The following ADAMTSL1 variants were observed in gnomAD, a reference collection of about 807,000 sequenced individuals.
ADAMTSL1 encodes the protein ADAMTS like 1.
ADAMTSL1 carries 126 observed loss-of-function variants against 201.8 expected under a neutral mutation model. The observed-to-expected ratio is 0.62, with a 90% CI of 0.54 to 0.72. The LOEUF (loss-of-function observed/expected upper bound fraction) is 0.72, where lower values mean the gene tolerates loss of function less well. ADAMTSL1 is among the 30% of genes least tolerant of loss of function. The pLI, the probability that ADAMTSL1 is intolerant of heterozygous loss-of-function variation, is 0.00. For missense variants in ADAMTSL1, 2,679 were observed against 2,277.8 expected (o/e 1.18, Z -3.59); for synonymous variants, 1,121 against 903.4 (o/e 1.24, Z -4.32).
chr9:18,208,576 A>T (rs1829747362), intron 2 of ADAMTSL1, among the ~76,000 whole-genome samples: 1 of 152,096 alleles, frequency 6.6e-6, no homozygotes, highest in African/African-American at 2.4e-5. Flanking sequence ...GCGCTTCATA[A>T]ATATTTTAGT....
chr9:18,060,241 T>C (rs144148297), intron 1 of ADAMTSL1, among the ~76,000 whole-genome samples: 1 of 152,324 alleles, frequency 6.6e-6, no homozygotes, highest in African/African-American at 2.4e-5. Flanking sequence ...TACTTTAGTG[T>C]ATATGTCTAA....
At chr9:18,266,344 C>T (rs1832116575) in intron 2 of ADAMTSL1, among the ~76,000 whole-genome samples, 1 of 152,186 alleles carries the variant, frequency 6.6e-6, no homozygotes, top group South Asian at 2.1e-4. Flanking sequence ...AGAGCCTGGT[C>T]CTCCATCCAA....
intron 10 of ADAMTSL1, among the ~76,000 whole-genome samples, chr9:18,676,549 A>T (rs923929403): frequency 6.6e-6 from 1 of 152,116 alleles, no homozygotes; most frequent in Non-Finnish European, 1.5e-5. Context: ...TTTAAAAGAA[A>T]GTGTTCCCTT....
chr9:18,647,557 A>C (rs1827900684), intron 7 of ADAMTSL1, among the ~76,000 whole-genome samples: 1 of 151,730 alleles, frequency 6.6e-6, no homozygotes, highest in African/African-American at 2.4e-5. Flanking sequence ...CACTGCTTTG[A>C]ATGTGTCCCA....
In ADAMTSL1 at chr9:18,635,967, C is replaced by G. The variant is rs776159485; in HGVS notation, c.626C>G (p.Pro209Arg). ...TKSDDTVVAI[P>R]YGSRHIRLVL... is the part of the protein sequence containing the mutation. ...GCGGATGATACTGTGGTTGCAATTC[C>G]CTATGGAAGTAGACATATTCGCCTT... Residue 209 changes from proline to arginine, a missense_variant, in exon 6 of 29, where the codon CCC (proline) becomes CGC (arginine). Coordinates refer to ENST00000380548, the MANE Select transcript of ADAMTSL1 (RefSeq NM_001040272.6). 6 of 1,600,762 alleles carry G rather than the reference C, an allele frequency of 3.7e-6. No individual in the cohort carries two copies. The African/African-American group carries it at 8.1e-5, about 22-fold the overall frequency.
chr9:18,100,894 T>C (rs1824484942), intron 1 of ADAMTSL1, among the ~76,000 whole-genome samples: 1 of 152,336 alleles, frequency 6.6e-6, no homozygotes, highest in Non-Finnish European at 1.5e-5. Flanking sequence ...TACTCTTTTA[T>C]GAGTTTCAAA....
Position 18,717,487 on chromosome 9 carries a change from A to C in ADAMTSL1, c.1877-4049A>C, listed in dbSNP as rs141949404. 8.4e-3 allele frequency among the ~76,000 whole-genome samples: 1,279 copies of C among 152,206 alleles called. 26 individuals carry two copies. The highest frequency in any genetic ancestry group is 0.029 in the African/African-American group (1,190 of 41,560). On this transcript the variant is annotated intron_variant, in intron 14 of 28. Coordinates refer to ENST00000380548, the MANE Select transcript of ADAMTSL1 (RefSeq NM_001040272.6). ...TATTTTCTACAATAATAGTGACCTT[A>C]AATTTCTTTAAAAAAATTACAATAA...
intron 4 of ADAMTSL1, among the ~76,000 whole-genome samples, chr9:18,604,123 T>C (rs1243088519): frequency 1.3e-5 from 2 of 152,322 alleles, no homozygotes; most frequent in East Asian, 3.9e-4. Flanking sequence ...GCTAACAGCC[T>C]AAAACTTTCC....
intron 9 of ADAMTSL1, 144 bp downstream of exon 9, chr9:18,662,217 C>A: frequency 8.8e-7 from 1 of 1,130,776 alleles, no homozygotes; most frequent in Non-Finnish European, 1.2e-6. Context: ...TTACTAATCA[C>A]GTGTTATTAG....
chr9:18,898,816 C>T (rs965917481), intron 26 of ADAMTSL1, among the ~76,000 whole-genome samples: 2 of 152,068 alleles, frequency 1.3e-5, no homozygotes, highest in Non-Finnish European at 2.9e-5. Context: ...TAATAAGAGC[C>T]ATATTTGACA....
intron 2 of ADAMTSL1, among the ~76,000 whole-genome samples, chr9:18,217,661 C>T (rs183520177): frequency 6.6e-6 from 1 of 152,238 alleles, no homozygotes; most frequent in East Asian, 1.9e-4. Context: ...CAACTCTTGC[C>T]TTCTTGCCTA....
At position 18,243,768 on chromosome 9, in the gene ADAMTSL1, CA is replaced by C. The variant is rs540390210; in HGVS notation, c.207+79789del. Among the ~76,000 whole-genome samples the C allele has an allele frequency of 3.2e-3, 476 of 150,336 alleles. 2 individuals are homozygous for C. The highest frequency in any genetic ancestry group is 0.011 in the African/African-American group (467 of 41,418). ...TCCACAGACCCAGGCATGCATACCC[CA>C]AGGCTTCCTGATATTTTCTTCCTAA... On this transcript the variant is annotated intron_variant, in intron 2 of 29. Transcript: ENST00000680146.
At chr9:18,840,256 C>T (rs572854727) in intron 23 of ADAMTSL1, among the ~76,000 whole-genome samples, 4,011 of 152,078 alleles carry the variant, frequency 0.026, 191 homozygotes, top group African/African-American at 0.092. Flanking sequence ...CTACATATGG[C>T]TAGCCAGTTT....
chr9:18,471,826 C>T (rs895253963), upstream of ADAMTSL1, among the ~76,000 whole-genome samples: 3 of 152,188 alleles, frequency 2.0e-5, no homozygotes, highest in African/African-American at 7.2e-5. Context: ...TGTACATTAG[C>T]ATGCCCATTA....
intron 7 of ADAMTSL1, among the ~76,000 whole-genome samples, chr9:18,655,642 A>C (rs1004009058): frequency 2.6e-5 from 4 of 151,972 alleles, no homozygotes; most frequent in African/African-American, 9.7e-5. Context: ...AAAAAAGTAA[A>C]AAACAAAAAC....
intron 3 of ADAMTSL1, among the ~76,000 whole-genome samples, chr9:18,533,826 A>T (rs1351725888): frequency 2.6e-5 from 4 of 152,208 alleles, no homozygotes; most frequent in African/African-American, 9.6e-5. Flanking sequence ...GGAAAAAAAT[A>T]TCACAAATGC....
At chr9:18,756,407 G>A (rs1819776671) in intron 16 of ADAMTSL1, among the ~76,000 whole-genome samples, 1 of 151,786 alleles carries the variant, frequency 6.6e-6, no homozygotes, top group Non-Finnish European at 1.5e-5. Flanking sequence ...GTTTTGTTGG[G>A]AAAAATTAGC....
intron 12 of ADAMTSL1, among the ~76,000 whole-genome samples, chr9:18,683,401 T>G (rs567861963): frequency 4.6e-4 from 35 of 76,172 alleles, no homozygotes; most frequent in African/African-American, 1.4e-3. Flanking sequence ...ATTTTTTGTA[T>G]TTTTTTTTTT....
Position 18,908,671 on chromosome 9 carries a change from C to A in ADAMTSL1, c.*123C>A. 1.4e-6 allele frequency: 1 copy of A among 737,746 alleles called. No homozygotes were observed. The highest frequency in any genetic ancestry group is 2.2e-6 in the Non-Finnish European group (1 of 457,614). 45.7% of individuals were successfully genotyped at this position (737,746 alleles called of 1,614,324 possible). ...TCCCCCTCCCCACTCCACACACACC[C>A]TTCCAACCTCCTCCACCTCCACCTT... On this transcript the variant is annotated 3_prime_UTR_variant, in exon 29 of 29. Transcript: ENST00000380548.
Sources: allele counts gnomAD v4.1 joint callset (sites outside exome capture counted in the v4.1 genomes callset), GRCh38; gene constraint gnomAD v4.1.1; transcripts MANE v1.5; gene names NCBI Gene and HGNC (gene_info 2026-07-23, HGNC 2026-07-21).